SRSF11: variants seen among roughly 807,000 people sequenced by gnomAD.
SRSF11 encodes the protein serine and arginine rich splicing factor 11, also known as serine/arginine-rich splicing factor 11.
In SRSF11, 9 loss-of-function variants were observed where a neutral mutation model predicts 56.0. The observed-to-expected ratio is 0.16, with a 90% confidence interval of 0.10 to 0.28. The LOEUF is 0.28. Among genes scored for constraint, SRSF11 ranks in the 10% least tolerant of loss-of-function variants. The pLI, the probability that SRSF11 is intolerant of heterozygous loss-of-function variation, is 1.00. For synonymous variants in SRSF11, 222 were observed against 215.3 expected (o/e 1.03, Z -0.27); for missense variants, 421 against 600.7 (o/e 0.70, Z 3.13).
At chr1:70,232,498 C>A in intron 3 of SRSF11, 121 bp downstream of exon 3, 1 of 700,028 alleles carries the variant, frequency 1.4e-6, no homozygotes, top group South Asian at 2.0e-5. Flanking sequence ...TATCACATGT[C>A]TATATCAAAA....
rs1157655963 is a variant in SRSF11, at chr1:70,244,701, C to T, written c.818C>T (p.Ser273Leu). 3 of 1,613,926 alleles carry T rather than the reference C, an allele frequency of 1.9e-6. No individual in the cohort carries two copies. The highest frequency in any genetic ancestry group is 1.1e-5 in the South Asian group (1 of 91,064). ...SSRHRRSRSR[S>L]RRRSHSKSRS... ...ACTATTAGGCGGTCAAGAAGCAGAT[C>T]GAGACGGCGGTCACATTCTAAGTCT... is the stretch of plus-strand genomic sequence containing the variant. Residue 273 changes from serine (S) to leucine (L), a missense_variant, in exon 8 of 12, where the codon TCG (serine) becomes TTG (leucine). Physicochemically the swap from Ser to Leu is moderately radical, Grantham distance 145. Around this residue, in one of 2 missense-constraint regions of SRSF11, gnomAD observed 253 missense variants for 305.8 expected, o/e 0.83. Coordinates refer to ENST00000370949, the MANE Select transcript of SRSF11 (RefSeq NM_001350605.2).
At chr1:70,214,562 A>G (rs1669838174) in intron 1 of SRSF11, among the ~76,000 whole-genome samples, 1 of 152,178 alleles carries the variant, frequency 6.6e-6, no homozygotes, top group African/African-American at 2.4e-5. Context: ...TGCTCTGTCA[A>G]TTTAAAAACA....
intron 2 of SRSF11, chr1:70,228,997 G>GGA: frequency 3.1e-6 from 3 of 977,296 alleles, no homozygotes; most frequent in Non-Finnish European, 3.6e-6. Context: ...TTGATAATCT[G>GGA]GAAAAAAAAA....
At chr1:70,235,475 A>G in intron 4 of SRSF11, 26 bp from the exon 5 acceptor site, 1 of 1,581,264 alleles carries the variant, frequency 6.3e-7, no homozygotes, top group Admixed American at 1.7e-5. Flanking sequence ...ATGTATTCTC[A>G]TTATTCTTAT....
intron 2 of SRSF11, chr1:70,229,342 T>A: frequency 8.1e-7 from 1 of 1,227,910 alleles, no homozygotes; most frequent in Non-Finnish European, 1.0e-6. Flanking sequence ...GGTGTAACCA[T>A]TTGTTAACTA....
Position 70,214,894 on chromosome 1 carries a change from GTTTT to G in SRSF11, c.-25-6699_-25-6696del, listed in dbSNP as rs34229824. ...GAAATCAAAATACATCTGCAGATAA[GTTTT>G]TTTTTTTTTTTTTTTTTTGAGACAG... On this transcript the variant is annotated intron_variant, in intron 1 of 12. Coordinates refer to the SRSF11 transcript ENST00000370950. 5.6e-3 allele frequency among the ~76,000 whole-genome samples: 699 copies of G among 125,898 alleles called. 4 individuals are homozygous for G. Among genetic ancestry groups the G allele is most frequent in the South Asian group, 0.031 (119 of 3,856 alleles). The allele number at this position is 125,898 out of a possible 152,430, so 82.6% of individuals were successfully genotyped here.
intron 2 of SRSF11, chr1:70,231,479 G>C (rs1003132388): frequency 2.3e-5 from 24 of 1,057,432 alleles, no homozygotes; most frequent in Non-Finnish European, 2.5e-5. Context: ...GTTTGGCTAA[G>C]TTAGCTTTTC....
At chr1:70,228,808 T>TA (rs1222456107) in intron 2 of SRSF11, 3 of 1,138,636 alleles carry the variant, frequency 2.6e-6, no homozygotes, top group Non-Finnish European at 3.2e-6. Flanking sequence ...CCATGTCCCT[T>TA]ATTGTAACTC....
intron 1 of SRSF11, among the ~76,000 whole-genome samples, chr1:70,223,887 G>C (rs1042136529): frequency 6.6e-6 from 1 of 152,064 alleles, no homozygotes; most frequent in East Asian, 1.9e-4. Context: ...TATCTGTTGT[G>C]AACAGGTCAC....
chr1:70,239,469 G>A lies in SRSF11; in HGVS notation c.749G>A (p.Arg250Lys). The A allele has an allele frequency of 1.2e-6, 2 of 1,607,906 alleles. No homozygotes were observed. The highest frequency in any genetic ancestry group is 1.7e-6 in the Non-Finnish European group (2 of 1,178,004). The change falls in exon 7 of 12, where the codon AGA (arginine) becomes AAA (lysine). Residue 250 changes from arginine to lysine, a missense_variant. Arg to Lys is a conservative substitution (Grantham distance 26). Around this residue, in one of 2 missense-constraint regions of SRSF11, gnomAD observed 253 missense variants for 305.8 expected, o/e 0.83. Coordinates refer to ENST00000370949, the MANE Select transcript of SRSF11 (RefSeq NM_001350605.2). ...DKKEEKRRHS[R>K]SRSRSRRRRT... ...AAAGAAGAAAAAAGAAGGCATTCAA[G>A]ATCAAGATCACGTTCTAGGAGGAGG...
chr1:70,235,083 T>C (rs955807028), intron 4 of SRSF11, among the ~76,000 whole-genome samples: 1 of 152,202 alleles, frequency 6.6e-6, no homozygotes, highest in African/African-American at 2.4e-5. Context: ...GTTTATAATT[T>C]TTCTATCATG....
chr1:70,237,287 A>T (rs907826611), intron 5 of SRSF11, 138 bp from the exon 6 acceptor site: 24 of 1,049,520 alleles, frequency 2.3e-5, no homozygotes, highest in Non-Finnish European at 3.0e-5. Context: ...GTTGTTTACC[A>T]AAGTTATCAT....
At chr1:70,240,568 C>T (rs1444265428) in intron 7 of SRSF11, among the ~76,000 whole-genome samples, 1 of 151,904 alleles carries the variant, frequency 6.6e-6, no homozygotes, top group Non-Finnish European at 1.5e-5. Flanking sequence ...ATATAAAAGC[C>T]ATTGCTCTAG....
intron 9 of SRSF11, 199 bp from the exon 10 acceptor site, chr1:70,249,753 T>G: frequency 2.0e-6 from 1 of 511,174 alleles, no homozygotes; most frequent in Non-Finnish European, 3.6e-6. Flanking sequence ...AGAGACAGAG[T>G]TTCACCATGT....
intron 7 of SRSF11, among the ~76,000 whole-genome samples, chr1:70,243,772 C>T (rs1676094784): frequency 6.6e-6 from 1 of 152,064 alleles, no homozygotes; most frequent in African/African-American, 2.4e-5. Context: ...GAGAATGGGC[C>T]GGTTGTGGTG....
chr1:70,231,050 CT>C (rs1328858002), intron 2 of SRSF11: 8 of 1,289,176 alleles, frequency 6.2e-6, no homozygotes, highest in Middle Eastern at 2.1e-4. Context: ...GAACCATTAC[CT>C]TTATTTAACA....
intron 2 of SRSF11, chr1:70,231,197 A>G (rs555782719): frequency 7.9e-7 from 1 of 1,263,836 alleles, no homozygotes; most frequent in East Asian, 5.6e-5. Context: ...AGTGCCCTGT[A>G]CATATTGTAT....
intron 1 of SRSF11, among the ~76,000 whole-genome samples, chr1:70,224,249 A>G (rs181019577): frequency 5.8e-4 from 88 of 152,228 alleles, no homozygotes; most frequent in African/African-American, 2.1e-3. Flanking sequence ...ATACTGAGGG[A>G]AAACTATATG....
At chr1:70,206,224 A>G (rs1475633876) in intron 1 of SRSF11, among the ~76,000 whole-genome samples, 1 of 152,228 alleles carries the variant, frequency 6.6e-6, no homozygotes, top group Non-Finnish European at 1.5e-5. Context: ...GTAGTGGTAC[A>G]TGCTTTAGTG....
Sources: gnomAD v4.1 joint callset for allele counts (sites outside exome capture counted in the v4.1 genomes callset) on GRCh38, gnomAD v4.1.1 for gene constraint, gnomAD v4.1.1 regional missense constraint, MANE v1.5 for transcripts, NCBI Gene and HGNC (gene_info 2026-07-23, HGNC 2026-07-21) for gene names.